The following INPP5D variants were observed in gnomAD, a reference collection of about 807,000 sequenced individuals.
INPP5D encodes the protein inositol polyphosphate-5-phosphatase D.
INPP5D carries 33 observed loss-of-function variants against 122.9 expected under a neutral mutation model. The ratio of observed to expected loss-of-function variants is 0.27; its 90% CI spans 0.20 to 0.36. INPP5D has a LOEUF of 0.36. Ranked by LOEUF, INPP5D falls within the 10% of genes least tolerant of loss-of-function variation. INPP5D has a pLI of 1.00. For synonymous variants in INPP5D, 584 were observed against 576.2 expected (o/e 1.01, Z -0.19); for missense variants, 1,053 against 1,412.7 (o/e 0.75, Z 4.08).
intron 5 of INPP5D, chr2:233,131,019 G>A (rs1018411507): frequency 1.4e-5 from 3 of 211,716 alleles, no homozygotes; most frequent in African/African-American, 7.1e-5. Flanking sequence ...AGCACAGAAA[G>A]GCATCAAAAG....
At chr2:233,202,669 T>C (rs1381612370) in intron 25 of INPP5D, among the ~76,000 whole-genome samples, 3 of 152,246 alleles carry the variant, frequency 2.0e-5, no homozygotes, top group Non-Finnish European at 4.4e-5. Context: ...TTCTTCACGA[T>C]AGCTTCCTTT....
chr2:233,125,961 G>A (rs1693146558), intron 4 of INPP5D, 42 bp downstream of exon 4: 2 of 1,590,934 alleles, frequency 1.3e-6, no homozygotes, highest in Non-Finnish European at 8.6e-7. Context: ...CATCTGCAGT[G>A]AGCCCAGCCA....
chr2:233,163,959 G>A, intron 12 of INPP5D, 56 bp downstream of exon 12: 1 of 1,585,612 alleles, frequency 6.3e-7, no homozygotes, highest in Non-Finnish European at 8.6e-7. Flanking sequence ...TTGCTCGGCT[G>A]GGCTGTCTCA....
chr2:233,116,225 G>GTAGA (rs1553575234), intron 2 of INPP5D, among the ~76,000 whole-genome samples: 279 of 133,904 alleles, frequency 2.1e-3, no homozygotes, highest in East Asian at 0.012. Context: ...AGATATATAT[G>GTAGA]TAGATAGATA....
At position 233,171,167 on chromosome 2, in the gene INPP5D, T is replaced by A. The variant is rs374569237; in HGVS notation, c.1989+15T>A. The stretch of plus-strand genomic sequence containing the variant: ...AAGCGACAGGGGTGAGTCCTCTTCA[T>A]AGACACCTTCCCTGCCCTCCATCTC... On this transcript the variant is annotated intron_variant, in intron 17 of 26. Coordinates refer to ENST00000445964, the MANE Select transcript of INPP5D (RefSeq NM_001017915.3). The A allele has an allele frequency of 1.7e-5, 27 of 1,612,956 alleles. No individual in the cohort carries two copies. The Admixed American group carries it at 4.2e-4, about 25-fold the overall frequency.
intron 17 of INPP5D, among the ~76,000 whole-genome samples, chr2:233,175,416 T>G (rs1240245852): frequency 6.6e-6 from 1 of 152,052 alleles, no homozygotes; most frequent in African/African-American, 2.4e-5. Context: ...TTTATATACG[T>G]TCATATAAAT....
chr2:233,117,254 T>C (rs1692828757), intron 2 of INPP5D, among the ~76,000 whole-genome samples: 1 of 152,124 alleles, frequency 6.6e-6, no homozygotes, highest in Non-Finnish European at 1.5e-5. Context: ...TGGTCAGAAG[T>C]GTGGCTGGTG....
intron 6 of INPP5D, among the ~76,000 whole-genome samples, chr2:233,142,655 T>C (rs1693656451): frequency 6.6e-6 from 1 of 152,000 alleles, no homozygotes; most frequent in African/African-American, 2.4e-5. Flanking sequence ...CCACCCTGTG[T>C]GAGAAAGGAG....
intron 1 of INPP5D, among the ~76,000 whole-genome samples, chr2:233,074,284 G>A (rs1464289188): frequency 3.9e-5 from 6 of 152,130 alleles, no homozygotes; most frequent in Non-Finnish European, 7.4e-5. Context: ...GAGAGGGGGC[G>A]CCTCATACCT....
chr2:233,076,029 G>T (rs1284032684), intron 1 of INPP5D, among the ~76,000 whole-genome samples: 6 of 152,164 alleles, frequency 3.9e-5, no homozygotes, highest in Admixed American at 2.6e-4. Flanking sequence ...TGCCACACTT[G>T]ATTGAACCAA....
At chr2:233,166,587 ACCTTCCCCTCCTTCCCCT>A (rs368030476) in intron 13 of INPP5D, among the ~76,000 whole-genome samples, 2,824 of 151,962 alleles carry the variant, frequency 0.019, 69 homozygotes, top group East Asian at 0.11. Flanking sequence ...GCTCACACAC[ACCTTCCCCTCCTTCCCCT>A]CCTTCCCCTC....
At position 233,164,191 on chromosome 2, in the gene INPP5D, A is replaced by T; in HGVS notation, c.1438-116A>T. On this transcript the variant is annotated intron_variant, in intron 12 of 26. Transcript: ENST00000445964. This position sits in a 1 kb window ranked among gnomAD's most constrained non-coding sequence, Gnocchi z 4.3. ...GCTGGGAGTCCCCCGAAGGGTTGGG[A>T]TTACAGACAGGATACCCCATACCCA... The T allele has an allele frequency of 6.9e-7, 1 of 1,446,906 alleles. No individual in the cohort carries two copies. The highest frequency in any genetic ancestry group is 1.4e-5 in the South Asian group (1 of 70,596). The allele number at this position is 1,446,906 out of a possible 1,614,324, so 89.6% of individuals were successfully genotyped here.
At chr2:233,117,736 T>G (rs1279827180) in intron 2 of INPP5D, among the ~76,000 whole-genome samples, 1 of 152,198 alleles carries the variant, frequency 6.6e-6, no homozygotes, top group Non-Finnish European at 1.5e-5. Flanking sequence ...ATCGTGCACA[T>G]GAAAAACGCA....
intron 3 of INPP5D, 57 bp downstream of exon 3, chr2:233,122,314 A>T (rs992662928): frequency 1.3e-6 from 2 of 1,558,754 alleles, no homozygotes; most frequent in Non-Finnish European, 1.7e-6. Context: ...CCCTGCACCC[A>T]CCTTGAGTGC....
chr2:233,069,870 G>A (rs1298404227), intron 1 of INPP5D, among the ~76,000 whole-genome samples: 1 of 152,118 alleles, frequency 6.6e-6, no homozygotes, highest in African/African-American at 2.4e-5. Flanking sequence ...TAGATCGAGG[G>A]ACAGGAATGT....
chr2:233,185,889 G>A lies in INPP5D; in HGVS notation c.2322G>A (p.Gly774=), dbSNP rs1192614564. 2.5e-6 allele frequency: 4 copies of A among 1,608,714 alleles called. No individual in the cohort carries two copies. The African/African-American group carries it at 5.4e-5, about 22-fold the overall frequency. The change falls in exon 21 of 27, where the codon GGG becomes GGA. Residue 774 remains glycine (G), a synonymous_variant. Transcript: ENST00000445964. ...GAGAAAATGAAGAAGGAAGTGAGGG[G>A]GAGCTGGTGGTGAAGTTTGGTGAGA... ...QEGENEEGSE[G]ELVVKFGETL...
rs758264338 is a variant in INPP5D, at chr2:233,060,527, G to A, written c.49G>A (p.Glu17Lys). Residue 17 changes from glutamate to lysine, a missense_variant, in exon 1 of 27, where the codon GAG becomes AAG. Physicochemically the swap from Glu to Lys is moderately conservative, Grantham distance 56. Coordinates refer to ENST00000445964, the MANE Select transcript of INPP5D (RefSeq NM_001017915.3). ...CAACATCACCCGCTCCAAGGCGGAG[G>A]AGCTGCTTTCCAGGACAGGCAAGGA... ...HGNITRSKAE[E>K]LLSRTGKDGS... The A allele has an allele frequency of 2.5e-6, 4 of 1,613,842 alleles. No homozygotes were observed. Among genetic ancestry groups the A allele is most frequent in the Non-Finnish European group, 3.4e-6 (4 of 1,179,810 alleles).
intron 2 of INPP5D, among the ~76,000 whole-genome samples, chr2:233,085,245 G>C (rs781325750): frequency 6.6e-6 from 1 of 152,154 alleles, no homozygotes; most frequent in Non-Finnish European, 1.5e-5. Flanking sequence ...ACTTAGTCGG[G>C]TGTGGTGGTG....
Position 233,170,021 on chromosome 2 carries a change from A to G in INPP5D, c.1653-5A>G, listed in dbSNP as rs763455345. 6.2e-6 allele frequency: 10 copies of G among 1,614,022 alleles called. No homozygotes were observed. The highest frequency in any genetic ancestry group is 7.6e-6 in the Non-Finnish European group (9 of 1,179,888). ...TGCTAGATGGCCGCTTTTTCCTTGC[A>G]TTAGGCGAAACCAAAACTATATGAA... On this transcript the variant is annotated splice_polypyrimidine_tract_variant and splice_region_variant and intron_variant, in intron 14 of 26. Coordinates refer to ENST00000445964, the MANE Select transcript of INPP5D (RefSeq NM_001017915.3). This position sits in a 1 kb window ranked among gnomAD's most constrained non-coding sequence, Gnocchi z 4.5.
Sources: allele counts gnomAD v4.1 joint callset (sites outside exome capture counted in the v4.1 genomes callset), GRCh38; gene constraint gnomAD v4.1.1; non-coding constraint Gnocchi (gnomAD v3.1); transcripts MANE v1.5; gene names NCBI Gene and HGNC (gene_info 2026-07-23, HGNC 2026-07-21).